ANKFN1: variants seen among roughly 807,000 people sequenced by gnomAD.
ANKFN1 encodes the protein ankyrin repeat and fibronectin type-III domain-containing protein 1.
ANKFN1 carries 74 observed loss-of-function variants against 108.7 expected under a neutral mutation model. The ratio of observed to expected loss-of-function variants is 0.68; its 90% CI spans 0.56 to 0.83. The LOEUF (loss-of-function observed/expected upper bound fraction) is 0.83, where lower values mean the gene tolerates loss of function less well. ANKFN1 is among the 40% of genes least tolerant of loss of function. ANKFN1 has a pLI of 0.00. For missense variants in ANKFN1, 1,505 were observed against 1,382.3 expected (o/e 1.09, Z -1.41); for synonymous variants, 547 against 516.2 (o/e 1.06, Z -0.81).
intron 6 of ANKFN1, among the ~76,000 whole-genome samples, chr17:56,362,463 G>T (rs76830340): frequency 0.01 from 1,530 of 152,282 alleles, 14 homozygotes; most frequent in Non-Finnish European, 0.016. Context: ...ACGGTAAACT[G>T]CTTTTCAACA....
At chr17:56,366,797 T>C (rs2046675299) in intron 6 of ANKFN1, among the ~76,000 whole-genome samples, 1 of 152,216 alleles carries the variant, frequency 6.6e-6, no homozygotes, top group African/African-American at 2.4e-5. Flanking sequence ...CTCTGTAATA[T>C]TTGCACAACA....
intron 8 of ANKFN1, among the ~76,000 whole-genome samples, chr17:56,390,955 T>C (rs895344746): frequency 6.6e-6 from 1 of 151,942 alleles, no homozygotes; most frequent in African/African-American, 2.4e-5. Flanking sequence ...TCTATTTATT[T>C]ATATAGTATA....
chr17:56,052,703 T>A (rs1904799167), intron 4 of ANKFN1, among the ~76,000 whole-genome samples: 1 of 152,116 alleles, frequency 6.6e-6, no homozygotes, highest in Non-Finnish European at 1.5e-5. Flanking sequence ...GCTTTAAGTG[T>A]TCTAGCTACA....
intron 3 of ANKFN1, among the ~76,000 whole-genome samples, chr17:56,319,560 A>C (rs1332026166): frequency 1.3e-5 from 2 of 152,198 alleles, no homozygotes; most frequent in African/African-American, 4.8e-5. Context: ...ACTACAGTCC[A>C]GATATCCCTA....
intron 15 of ANKFN1, among the ~76,000 whole-genome samples, chr17:56,476,342 G>A (rs762012593): frequency 1.3e-5 from 2 of 152,154 alleles, no homozygotes; most frequent in Non-Finnish European, 2.9e-5. Flanking sequence ...CCCTGCAGTT[G>A]TATAGAGAAT....
chr17:56,100,163 A>G (rs1044133463), intron 4 of ANKFN1, among the ~76,000 whole-genome samples: 1 of 152,236 alleles, frequency 6.6e-6, no homozygotes, highest in Non-Finnish European at 1.5e-5. Flanking sequence ...TGAAGGCAGG[A>G]CCAGAAACCA....
chr17:56,334,016 C>A (rs932585455), intron 4 of ANKFN1, among the ~76,000 whole-genome samples: 3 of 151,866 alleles, frequency 2.0e-5, no homozygotes, highest in African/African-American at 7.3e-5. Flanking sequence ...TTAAAGCAAA[C>A]CCCATGGGAT....
chr17:56,077,277 C>T (rs1192669105), intron 4 of ANKFN1, among the ~76,000 whole-genome samples: 1 of 152,124 alleles, frequency 6.6e-6, no homozygotes, highest in African/African-American at 2.4e-5. Context: ...TAATAGTAAC[C>T]CTTGATTCAT....
Position 56,350,793 on chromosome 17 carries a change from A to G in ANKFN1, c.216A>G (p.Gln72=). 6.2e-7 allele frequency: 1 copy of G among 1,613,772 alleles called. No individual in the cohort carries two copies. The highest frequency in any genetic ancestry group is 1.7e-5 in the Admixed American group (1 of 59,968). The change falls in exon 5 of 21, where the codon CAA becomes CAG. Residue 72 remains glutamine (Q), a synonymous_variant. Coordinates refer to ENST00000682825, the MANE Select transcript of ANKFN1 (RefSeq NM_001370326.1). ...NWNCRVKMTQ[Q]MQNLHLCQSK... ...ATTGTCGTGTGAAAATGACGCAACA[A>G]ATGCAAAATTTACATCTCTGTCAGT... is the stretch of plus-strand genomic sequence containing the variant.
intron 1 of ANKFN1, among the ~76,000 whole-genome samples, chr17:56,205,812 T>C (rs2143783606): frequency 6.6e-6 from 1 of 152,112 alleles, no homozygotes; most frequent in Non-Finnish European, 1.5e-5. Flanking sequence ...TGACATCTTT[T>C]ATTGTGCATC....
Position 56,326,295 on chromosome 17 carries a change from A to G in ANKFN1, c.128A>G (p.Asn43Ser), listed in dbSNP as rs1187251539. 1.2e-6 allele frequency: 2 copies of G among 1,614,028 alleles called. No individual in the cohort carries two copies. The highest frequency in any genetic ancestry group is 8.5e-7 in the Non-Finnish European group (1 of 1,179,908). Residue 43 changes from asparagine to serine, a missense_variant, in exon 4 of 21, where the codon AAT becomes AGT. Asn to Ser is a conservative substitution (Grantham distance 46). Transcript: ENST00000682825. ...RRKQSQCDLL[N>S]ESTGQLPTTC... ...AAGCAAAGCCAATGTGATTTATTGA[A>G]TGAAAGCACTGGACAATTACCAACA...
intron 4 of ANKFN1, among the ~76,000 whole-genome samples, chr17:56,112,928 ATGTG>A (rs1186086937): frequency 2.3e-4 from 35 of 152,148 alleles, no homozygotes; most frequent in African/African-American, 6.5e-4. Flanking sequence ...CATGTAATTG[ATGTG>A]TGTATGTGTG....
rs897526134 is a variant in ANKFN1 at position 56,499,003 on chromosome 17, G to A, written c.2549G>A (p.Ser850Asn). ...TKLIDPSDEQ[S>N]LKKINSTSSS... The stretch of plus-strand genomic sequence containing the variant: ...CTGATAGACCCCTCAGATGAGCAGA[G>A]CCTAAAGAAGATCAATTCTACATCA... Residue 850 changes from serine to asparagine, a missense_variant, in exon 20 of 21, where the codon AGC becomes AAC. Physicochemically the swap from Ser to Asn is conservative, Grantham distance 46. Transcript: ENST00000682825. The A allele has an allele frequency of 6.5e-7, 1 of 1,535,774 alleles. No individual in the cohort carries two copies. Among genetic ancestry groups the A allele is most frequent in the Non-Finnish European group, 8.7e-7 (1 of 1,146,664 alleles).
chr17:56,046,877 A>C (rs1904687131), intron 4 of ANKFN1, among the ~76,000 whole-genome samples: 1 of 152,222 alleles, frequency 6.6e-6, no homozygotes, highest in Non-Finnish European at 1.5e-5. Context: ...GGGCACGGAA[A>C]AGCATGAGTT....
Position 56,447,803 on chromosome 17 carries a change from A to C in ANKFN1, c.1100-1276A>C, listed in dbSNP as rs545794892. ...GCAAATATCCTGCAAAGTAGATACT[A>C]TCCTCATTTTTCATGTTAGGGAGTA... is the stretch of plus-strand genomic sequence containing the variant. On this transcript the variant is annotated intron_variant, in intron 10 of 20. Coordinates refer to ENST00000682825, the MANE Select transcript of ANKFN1 (RefSeq NM_001370326.1). 4.6e-5 allele frequency among the ~76,000 whole-genome samples: 7 copies of C among 152,326 alleles called. No individual in the cohort carries two copies. The South Asian group carries it at 1.4e-3, about 32-fold the overall frequency.
intron 4 of ANKFN1, among the ~76,000 whole-genome samples, chr17:56,054,951 G>T (rs1904841077): frequency 6.6e-6 from 1 of 151,934 alleles, no homozygotes. Flanking sequence ...GAATACAAAT[G>T]CTCATCTGAG....
At chr17:56,096,466 G>A (rs2143208247) in intron 4 of ANKFN1, among the ~76,000 whole-genome samples, 1 of 152,252 alleles carries the variant, frequency 6.6e-6, no homozygotes. Flanking sequence ...AGTTGGAATT[G>A]CTTTTATGCA....
intron 3 of ANKFN1, among the ~76,000 whole-genome samples, chr17:56,229,755 AT>A (rs982897031): frequency 8.1e-4 from 115 of 141,452 alleles, no homozygotes; most frequent in Non-Finnish European, 1.1e-3. Flanking sequence ...TTCTTTTCAC[AT>A]TTTTTTTTTC....
intron 4 of ANKFN1, among the ~76,000 whole-genome samples, chr17:56,132,893 C>A (rs1907367991): frequency 6.6e-6 from 1 of 152,186 alleles, no homozygotes; most frequent in Admixed American, 6.5e-5. Flanking sequence ...CTAATACCAT[C>A]ACCTTGGTAA....
Sources: gnomAD v4.1 joint callset for allele counts (sites outside exome capture counted in the v4.1 genomes callset) on GRCh38, gnomAD v4.1.1 for gene constraint, MANE v1.5 for transcripts, NCBI Gene and HGNC (gene_info 2026-07-23, HGNC 2026-07-21) for gene names.